Variants in DCAF7 observed in about 807,000 individuals in gnomAD.
The protein encoded by DCAF7 is DDB1- and CUL4-associated factor 7.
DCAF7 carries 4 observed loss-of-function variants against 41.2 expected under a neutral mutation model. The ratio of observed to expected loss-of-function variants is 0.10; its 90% CI spans 0.05 to 0.22. The LOEUF (loss-of-function observed/expected upper bound fraction) is 0.22. Ranked by LOEUF, DCAF7 falls within the 10% of genes least tolerant of loss-of-function variation. DCAF7 has a pLI of 1.00. For missense variants in DCAF7, 131 were observed against 443.2 expected, an observed-to-expected ratio of 0.30 and a Z score of 6.32; for synonymous variants, 143 against 164.2, an observed-to-expected ratio of 0.87 and a Z score of 0.99.
chr17:63,572,173 G>GTTGTATGTA (rs2033514696), intron 1 of DCAF7, among the ~76,000 whole-genome samples: 1 of 152,168 alleles, frequency 6.6e-6, no homozygotes, highest in Non-Finnish European at 1.5e-5. Context: ...TATTGAGTAA[G>GTTGTATGTA]ACAGTTCTAT....
chr17:63,551,777 T>C (rs2033257329), intron 1 of DCAF7, among the ~76,000 whole-genome samples: 1 of 151,352 alleles, frequency 6.6e-6, no homozygotes, highest in African/African-American at 2.4e-5. Flanking sequence ...CCGGGCGCGG[T>C]GGCTCACGCC....
intron 6 of DCAF7, among the ~76,000 whole-genome samples, chr17:63,586,895 A>G (rs2147779021): frequency 6.6e-6 from 1 of 152,328 alleles, no homozygotes; most frequent in East Asian, 1.9e-4. Flanking sequence ...TCTCCTTCCT[A>G]TATCATTTCT....
In DCAF7 at chr17:63,589,130, C is replaced by A; in HGVS notation, c.987C>A (p.Ile329=). The A allele has an allele frequency of 6.2e-7, 1 of 1,614,004 alleles. No homozygotes were observed. Among genetic ancestry groups the A allele is most frequent in the Admixed American group, 1.7e-5 (1 of 60,016 alleles). The change falls in exon 7 of 7, where the codon ATC becomes ATA. Residue 329 remains isoleucine (I), a synonymous_variant. Transcript: ENST00000614556. ...VQWASTQPDW[I]AICYNNCLEI... is the part of the protein sequence containing the mutation. The stretch of plus-strand genomic sequence containing the variant: ...GGGCATCAACTCAGCCCGACTGGAT[C>A]GCCATCTGCTACAACAACTGCCTGG...
In DCAF7 at chr17:63,591,674, C is replaced by G. The variant is rs2033735080; in HGVS notation, c.*2502C>G. The G allele has an allele frequency of 6.6e-6, 1 of 152,234 alleles. No homozygotes were observed. The highest frequency in any genetic ancestry group is 2.4e-5 in the African/African-American group (1 of 41,464). 9.4% of individuals were successfully genotyped at this position (152,234 alleles called of 1,614,324 possible). ...TCTCAGGATTTAGAAAGTCTGTAAG[C>G]CATCCATGCTCCAGAAAGCACCGAT... is the stretch of plus-strand genomic sequence containing the variant. On this transcript the variant is annotated 3_prime_UTR_variant, in exon 7 of 7. Transcript: ENST00000614556.
In DCAF7 at chr17:63,590,981, C is replaced by T. The variant is rs1335713486; in HGVS notation, c.*1809C>T. 6.6e-6 allele frequency: 1 copy of T among 152,176 alleles called. No homozygotes were observed. The highest frequency in any genetic ancestry group is 2.1e-4 in the South Asian group (1 of 4,834). 9.4% of individuals were successfully genotyped at this position (152,176 alleles called of 1,614,324 possible). A position where few individuals can be genotyped will look rare whatever the true frequency, so the allele number is the denominator to read the frequency against. ...CCTTCTACCCTTTTACTTTGTTGTTCTGATTTTAGGACTCTGGCTGGCCAT... is the reference window on the plus strand; with the variant it reads ...CCTTCTACCCTTTTACTTTGTTGTTTTGATTTTAGGACTCTGGCTGGCCAT... On this transcript the variant is annotated 3_prime_UTR_variant, in exon 7 of 7. Coordinates refer to ENST00000614556, the MANE Select transcript of DCAF7 (RefSeq NM_005828.5).
At chr17:63,588,272 C>T (rs1367325826) in intron 6 of DCAF7, among the ~76,000 whole-genome samples, 1 of 147,810 alleles carries the variant, frequency 6.8e-6, no homozygotes, top group African/African-American at 2.6e-5. Context: ...ACTGCAACCT[C>T]TGCCTCCCGA....
At chr17:63,562,221 C>T (rs572315382) in intron 1 of DCAF7, among the ~76,000 whole-genome samples, 9 of 152,202 alleles carry the variant, frequency 5.9e-5, no homozygotes, top group East Asian at 1.9e-4. Flanking sequence ...AAGATTACAT[C>T]GTATGGCACA....
intron 2 of DCAF7, 96 bp downstream of exon 2, chr17:63,578,724 G>A: frequency 1.3e-6 from 2 of 1,533,048 alleles, no homozygotes; most frequent in Non-Finnish European, 1.8e-6. Flanking sequence ...GTCAGAGGCA[G>A]CGAGTGTCAT....
chr17:63,593,551 G>A lies in DCAF7; in HGVS notation c.*4379G>A, dbSNP rs2033755674. On this transcript the variant is annotated 3_prime_UTR_variant, in exon 7 of 7. Coordinates refer to ENST00000614556, the MANE Select transcript of DCAF7 (RefSeq NM_005828.5). ...TGACAGTCTATGTAACAGCTGGAAA[G>A]TTTATAGGCACCCACCTTTGGGACA... 1 of 152,626 alleles carries A rather than the reference G, an allele frequency of 6.6e-6. No individual in the cohort carries two copies. The highest frequency in any genetic ancestry group is 1.5e-5 in the Non-Finnish European group (1 of 68,054). The allele number at this position is 152,626 out of a possible 1,614,324, so 9.5% of individuals were successfully genotyped here.
intron 1 of DCAF7, among the ~76,000 whole-genome samples, chr17:63,551,329 TC>T (rs2033252801): frequency 8.0e-6 from 1 of 125,214 alleles, no homozygotes; most frequent in Admixed American, 9.6e-5. Flanking sequence ...TACTCATGGA[TC>T]CTAGCCCTTC....
At position 63,590,426 on chromosome 17, in the gene DCAF7, G is replaced by T. The variant is rs904233990; in HGVS notation, c.*1254G>T. On this transcript the variant is annotated 3_prime_UTR_variant, in exon 7 of 7. Coordinates refer to ENST00000614556, the MANE Select transcript of DCAF7 (RefSeq NM_005828.5). ...AGGGAGGAAAAAAAAAGAAGGAAAA[G>T]GAATTATAGACCCCCAGGGTCAGCC... 1.3e-5 allele frequency: 2 copies of T among 152,694 alleles called. No homozygotes were observed. Among genetic ancestry groups the T allele is most frequent in the Non-Finnish European group, 2.9e-5 (2 of 68,124 alleles). The allele number at this position is 152,694 out of a possible 1,614,324, so 9.5% of individuals were successfully genotyped here.
intron 1 of DCAF7, among the ~76,000 whole-genome samples, chr17:63,566,172 C>A (rs1367567956): frequency 6.6e-6 from 1 of 151,424 alleles, no homozygotes; most frequent in Non-Finnish European, 1.5e-5. Context: ...AGATCGAGAC[C>A]ATCCTGGCTA....
intron 1 of DCAF7, among the ~76,000 whole-genome samples, chr17:63,574,195 T>A (rs1054797186): frequency 6.6e-6 from 1 of 152,230 alleles, no homozygotes; most frequent in Admixed American, 6.5e-5. Flanking sequence ...CCTATTTGCC[T>A]ACCCAGATCC....
intron 1 of DCAF7, among the ~76,000 whole-genome samples, chr17:63,564,752 C>T (rs914669470): frequency 1.3e-5 from 2 of 152,234 alleles, no homozygotes; most frequent in Admixed American, 6.5e-5. Context: ...GGCCCATGCA[C>T]CTGTCTCGGG....
chr17:63,557,951 A>G (rs1477641193), intron 1 of DCAF7, among the ~76,000 whole-genome samples: 1 of 152,036 alleles, frequency 6.6e-6, no homozygotes, highest in East Asian at 1.9e-4. Flanking sequence ...GGCTGGGTGC[A>G]GAGGCATGAT....
chr17:63,578,661 TG>T, intron 2 of DCAF7, 33 bp downstream of exon 2: 1 of 1,613,474 alleles, frequency 6.2e-7, no homozygotes, highest in Non-Finnish European at 8.5e-7. Flanking sequence ...GCCAGACAAG[TG>T]GGCTTTCTCA....
At chr17:63,584,919 T>C (rs369658612) in intron 5 of DCAF7, among the ~76,000 whole-genome samples, 1 of 152,198 alleles carries the variant, frequency 6.6e-6, no homozygotes, top group East Asian at 1.9e-4. Flanking sequence ...CTGAGATGCA[T>C]AGAATTCTTA....
chr17:63,591,124 G>C lies in DCAF7; in HGVS notation c.*1952G>C, dbSNP rs1312531829. The C allele has an allele frequency of 6.6e-6, 1 of 152,166 alleles. No homozygotes were observed. The highest frequency in any genetic ancestry group is 2.4e-5 in the African/African-American group (1 of 41,432). The allele number at this position is 152,166 out of a possible 1,614,324, so 9.4% of individuals were successfully genotyped here. On this transcript the variant is annotated 3_prime_UTR_variant, in exon 7 of 7. Coordinates refer to ENST00000614556, the MANE Select transcript of DCAF7 (RefSeq NM_005828.5). Reference sequence around the variant, plus strand: ...CTGCTTTTCATTGTGTTTGATAATGGTTACTGGGTCCTTCTCTCAAGGGTA... The same window carrying C: ...CTGCTTTTCATTGTGTTTGATAATGCTTACTGGGTCCTTCTCTCAAGGGTA...
At chr17:63,570,166 A>G (rs892792550) in intron 1 of DCAF7, among the ~76,000 whole-genome samples, 2 of 152,090 alleles carry the variant, frequency 1.3e-5, no homozygotes, top group African/African-American at 4.8e-5. Context: ...CAGAAATGAT[A>G]GGAAAGGCAA....
Sources: gnomAD v4.1 joint callset for allele counts (sites outside exome capture counted in the v4.1 genomes callset) on GRCh38, gnomAD v4.1.1 for gene constraint, MANE v1.5 for transcripts, NCBI Gene and HGNC (gene_info 2026-07-23, HGNC 2026-07-21) for gene names.